XRCC4: variants seen among roughly 807,000 people sequenced by gnomAD.
The protein encoded by XRCC4 is X-ray repair cross complementing 4.
A neutral mutation model predicts 39.1 loss-of-function variants in XRCC4; 28 were observed. That is an observed-to-expected ratio of 0.72 (90% confidence interval 0.53 to 0.98). XRCC4 has a LOEUF of 0.98. Ranked by LOEUF, XRCC4 falls within the 50% of genes least tolerant of loss-of-function variation. The pLI is 0.00. For synonymous variants in XRCC4, 123 were observed against 126.4 expected, an observed-to-expected ratio of 0.97 and a Z score of 0.18; for missense variants, 350 against 376.4, an observed-to-expected ratio of 0.93 and a Z score of 0.58.
intron 7 of XRCC4, among the ~76,000 whole-genome samples, chr5:83,315,419 T>C (rs1320231279): frequency 6.6e-6 from 1 of 152,156 alleles, no homozygotes; most frequent in African/African-American, 2.4e-5. Flanking sequence ...TTGATGACAG[T>C]GGCTACACTA....
chr5:83,364,221 T>A, the XRCC4 span, among the ~76,000 whole-genome samples: 11 of 152,178 alleles, frequency 7.2e-5, no homozygotes, highest in South Asian at 2.1e-4. Flanking sequence ...TAGCACTTTT[T>A]AAAAAAAATC....
chr5:83,280,278 C>T (rs1394327268), intron 7 of XRCC4: 2 of 379,950 alleles, frequency 5.3e-6, no homozygotes, highest in East Asian at 5.9e-5. Context: ...ATCCGGATGT[C>T]TTTGATACTA....
intron 3 of XRCC4, among the ~76,000 whole-genome samples, chr5:83,141,175 C>A (rs1748154451): frequency 6.6e-6 from 1 of 152,092 alleles, no homozygotes; most frequent in Non-Finnish European, 1.5e-5. Flanking sequence ...ACATAATATG[C>A]CATTTAGGGA....
At chr5:83,132,961 G>T (rs979834248) in intron 3 of XRCC4, among the ~76,000 whole-genome samples, 3 of 152,104 alleles carry the variant, frequency 2.0e-5, no homozygotes, top group African/African-American at 4.8e-5. Flanking sequence ...AGGAGAGGAG[G>T]TGCTCTGATT....
chr5:83,258,508 T>C, intron 6 of XRCC4, 22 bp from the exon 7 acceptor site: 1 of 1,604,320 alleles, frequency 6.2e-7, no homozygotes, highest in Non-Finnish European at 8.5e-7. Context: ...TTGGGTCACA[T>C]TCTCATCTCA....
chr5:83,185,107 G>A (rs1750377231), intron 3 of XRCC4, among the ~76,000 whole-genome samples: 1 of 151,996 alleles, frequency 6.6e-6, no homozygotes, highest in African/African-American at 2.4e-5. Context: ...AAAAGACTGA[G>A]TAGGCACTTA....
At chr5:83,189,345 C>A (rs1580347668) in intron 3 of XRCC4, among the ~76,000 whole-genome samples, 1 of 151,922 alleles carries the variant, frequency 6.6e-6, no homozygotes, top group Non-Finnish European at 1.5e-5. Flanking sequence ...ATTATTAAGA[C>A]CTAAATAAGA....
At chr5:83,219,646 A>C (rs1183739690) in intron 6 of XRCC4, among the ~76,000 whole-genome samples, 1 of 152,170 alleles carries the variant, frequency 6.6e-6, no homozygotes, top group Non-Finnish European at 1.5e-5. Flanking sequence ...TAGCTACATG[A>C]GGCCATTGAA....
intron 6 of XRCC4, among the ~76,000 whole-genome samples, chr5:83,213,943 A>G (rs1487273077): frequency 6.6e-6 from 1 of 152,234 alleles, no homozygotes; most frequent in Non-Finnish European, 1.5e-5. Flanking sequence ...CAATGATAAA[A>G]TAAAGCACAA....
chr5:83,289,379 A>T (rs988536111), intron 7 of XRCC4, among the ~76,000 whole-genome samples: 3 of 151,882 alleles, frequency 2.0e-5, no homozygotes, highest in Admixed American at 1.3e-4. Flanking sequence ...AACTGAAGAG[A>T]ATAGACTTTT....
chr5:83,348,536 A>G (rs1050298210), intron 7 of XRCC4, among the ~76,000 whole-genome samples: 1 of 152,352 alleles, frequency 6.6e-6, no homozygotes, highest in African/African-American at 2.4e-5. Flanking sequence ...GCAGGGTGCC[A>G]TGTCCCAAGA....
intron 3 of XRCC4, among the ~76,000 whole-genome samples, chr5:83,124,170 T>G (rs1254739647): frequency 6.6e-6 from 1 of 152,170 alleles, no homozygotes; most frequent in Non-Finnish European, 1.5e-5. Flanking sequence ...TATGTGAATT[T>G]GGTTCCACAT....
intron 7 of XRCC4, among the ~76,000 whole-genome samples, chr5:83,272,493 G>A (rs1010669613): frequency 2.6e-5 from 4 of 152,082 alleles, no homozygotes; most frequent in Non-Finnish European, 5.9e-5. Context: ...CATGTGCCAT[G>A]GTGGTTTGTC....
chr5:83,252,809 G>A (rs1233768995), intron 6 of XRCC4, among the ~76,000 whole-genome samples: 1 of 152,060 alleles, frequency 6.6e-6, no homozygotes. Context: ...TTATAAGTAA[G>A]TTTTTGATTA....
intron 3 of XRCC4, among the ~76,000 whole-genome samples, chr5:83,168,908 T>A (rs560710526): frequency 1.2e-4 from 18 of 152,230 alleles, no homozygotes; most frequent in African/African-American, 4.3e-4. Flanking sequence ...ACTCATGACA[T>A]ATGATCTAAG....
At chr5:83,322,416 GC>G (rs1756105976) in intron 7 of XRCC4, among the ~76,000 whole-genome samples, 1 of 152,090 alleles carries the variant, frequency 6.6e-6, no homozygotes, top group Non-Finnish European at 1.5e-5. Context: ...CAGGCAATAT[GC>G]TGTGGACTGA....
At chr5:83,258,731 C>T in intron 7 of XRCC4, 54 bp downstream of exon 7, 2 of 1,544,918 alleles carry the variant, frequency 1.3e-6, no homozygotes, top group Non-Finnish European at 1.7e-6. Context: ...GAAAATCTAG[C>T]ATATGATCTT....
At chr5:83,116,431 T>G (rs1746712774) in intron 3 of XRCC4, among the ~76,000 whole-genome samples, 1 of 152,136 alleles carries the variant, frequency 6.6e-6, no homozygotes, top group Non-Finnish European at 1.5e-5. Context: ...CACTGTGCAA[T>G]TTGAACATTT....
chr5:83,309,282 A>T (rs1239877642), intron 7 of XRCC4, among the ~76,000 whole-genome samples: 98 of 119,878 alleles, frequency 8.2e-4, no homozygotes, highest in African/African-American at 3.0e-3. Context: ...AAAAAAAAAA[A>T]AAAAAAAAAA....
Sources: allele counts gnomAD v4.1 joint callset (sites outside exome capture counted in the v4.1 genomes callset), GRCh38; gene constraint gnomAD v4.1.1; transcripts MANE v1.5; gene names NCBI Gene and HGNC (gene_info 2026-07-23, HGNC 2026-07-21).